PRKN: variants seen among roughly 807,000 people sequenced by gnomAD.
PRKN encodes parkin RBR E3 ubiquitin protein ligase.
In PRKN, 56 loss-of-function variants were observed where a neutral mutation model predicts 59.5. The observed-to-expected ratio is 0.94, with a 90% CI of 0.76 to 1.18. PRKN has a LOEUF of 1.18. PRKN is among the 50% of genes most tolerant of loss of function. The pLI, the probability that PRKN is intolerant of heterozygous loss-of-function variation, is 0.00. For synonymous variants in PRKN, 250 were observed against 222.1 expected (o/e 1.13, Z -1.12); for missense variants, 657 against 596.4 (o/e 1.10, Z -1.06).
intron 1 of PRKN, among the ~76,000 whole-genome samples, chr6:162,581,604 T>C (rs1290502201): frequency 6.6e-6 from 1 of 152,076 alleles, no homozygotes; most frequent in African/African-American, 2.4e-5. Flanking sequence ...CTACTAAAAA[T>C]ACAAAAATTA....
At chr6:162,579,706 T>G (rs894931254) in intron 1 of PRKN, among the ~76,000 whole-genome samples, 1 of 116,796 alleles carries the variant, frequency 8.6e-6, no homozygotes, top group East Asian at 2.0e-4. Context: ...AACACACAAA[T>G]TTCACACACA....
rs113264245 is a variant in PRKN at position 161,745,137 on chromosome 6, C to T, written c.871+40635G>A. Among the ~76,000 whole-genome samples the T allele has an allele frequency of 2.1e-3, 320 of 152,256 alleles. 4 individuals are homozygous for T. The highest frequency in any genetic ancestry group is 3.3e-3 in the Non-Finnish European group (223 of 68,020). Reference sequence around the variant, plus strand: ...AACTTACAGGACTATGAAGCCATTACCTATAATATAGAAGTTACATTAGAT... The same window carrying T: ...AACTTACAGGACTATGAAGCCATTATCTATAATATAGAAGTTACATTAGAT... On this transcript the variant is annotated intron_variant, in intron 7 of 11. Coordinates refer to ENST00000366898, the MANE Select transcript of PRKN (RefSeq NM_004562.3).
chr6:161,889,042 G>GT (rs1159285035), intron 6 of PRKN, among the ~76,000 whole-genome samples: 5 of 152,064 alleles, frequency 3.3e-5, no homozygotes, highest in African/African-American at 1.2e-4. Flanking sequence ...TAAACTTCAA[G>GT]TTTATTTCCA....
At chr6:161,406,354 T>C (rs1787277746) in intron 9 of PRKN, among the ~76,000 whole-genome samples, 1 of 152,070 alleles carries the variant, frequency 6.6e-6, no homozygotes, top group African/African-American at 2.4e-5. Context: ...TGATCCACTA[T>C]GGGCACATTT....
chr6:162,176,648 C>T (rs1234840446), intron 4 of PRKN, among the ~76,000 whole-genome samples: 1 of 152,016 alleles, frequency 6.6e-6, no homozygotes, highest in Non-Finnish European at 1.5e-5. Context: ...GGCTCGGAGA[C>T]CTTGATAATC....
rs547215385 is a variant in PRKN, at chr6:162,028,041, A to C, written c.618+26050T>G. On this transcript the variant is annotated intron_variant, in intron 5 of 11. Coordinates refer to ENST00000366898, the MANE Select transcript of PRKN (RefSeq NM_004562.3). Reference sequence around the variant, plus strand: ...AATACTGCCTCTGACCCAGATTCCAAAGAACAGAAAGAAAGATGGTCAGAA... The same window carrying C: ...AATACTGCCTCTGACCCAGATTCCACAGAACAGAAAGAAAGATGGTCAGAA... Among the ~76,000 whole-genome samples, 4 of 152,276 alleles carry C rather than the reference A, an allele frequency of 2.6e-5. No individual in the cohort carries two copies. The East Asian group carries it at 7.7e-4, about 29-fold the overall frequency.
At chr6:161,482,016 G>C (rs1164901952) in intron 9 of PRKN, among the ~76,000 whole-genome samples, 1 of 145,402 alleles carries the variant, frequency 6.9e-6, no homozygotes, top group African/African-American at 2.5e-5. Flanking sequence ...TGCGGGGGGT[G>C]GGGGAGACTG....
intron 2 of PRKN, among the ~76,000 whole-genome samples, chr6:162,349,670 T>C (rs1051281426): frequency 1.3e-5 from 2 of 152,278 alleles, no homozygotes; most frequent in African/African-American, 4.8e-5. Flanking sequence ...TGAGAGGTGA[T>C]GCAAAACGGG....
chr6:162,507,669 C>T (rs1308285877), intron 1 of PRKN, among the ~76,000 whole-genome samples: 1 of 152,160 alleles, frequency 6.6e-6, no homozygotes, highest in African/African-American at 2.4e-5. Context: ...AAAGCCTATA[C>T]TCTACTTTTC....
chr6:161,374,510 T>C (rs2114907126), intron 10 of PRKN, among the ~76,000 whole-genome samples: 1 of 144,746 alleles, frequency 6.9e-6, no homozygotes. Flanking sequence ...GTGATGTATG[T>C]GTGGTGTGTG....
intron 6 of PRKN, among the ~76,000 whole-genome samples, chr6:161,898,592 A>G (rs1353752442): frequency 1.3e-5 from 2 of 152,174 alleles, no homozygotes; most frequent in Admixed American, 1.3e-4. Context: ...TACTAAATGG[A>G]TGTTTTCAAA....
chr6:162,446,578 C>T lies in PRKN; in HGVS notation c.8-3105G>A, dbSNP rs145855057. Among the ~76,000 whole-genome samples the T allele has an allele frequency of 2.6e-3, 398 of 152,004 alleles. 6 individuals are homozygous for T. The highest frequency in any genetic ancestry group is 0.025 in the South Asian group (118 of 4,796). Reference sequence around the variant, plus strand: ...GTATTTAGATAAATCATAAATACTACGGATATGAATATTTTTAACAGTAAA... The same window carrying T: ...GTATTTAGATAAATCATAAATACTATGGATATGAATATTTTTAACAGTAAA... On this transcript the variant is annotated intron_variant, in intron 1 of 11. Coordinates refer to ENST00000366898, the MANE Select transcript of PRKN (RefSeq NM_004562.3).
chr6:161,431,972 G>A (rs925150692), intron 9 of PRKN, among the ~76,000 whole-genome samples: 4 of 152,156 alleles, frequency 2.6e-5, no homozygotes, highest in Non-Finnish European at 5.9e-5. Flanking sequence ...TCTTGACAAT[G>A]TTTGATCATG....
intron 1 of PRKN, among the ~76,000 whole-genome samples, chr6:162,686,361 A>C (rs1777551201): frequency 6.6e-6 from 1 of 152,146 alleles, no homozygotes; most frequent in Non-Finnish European, 1.5e-5. Flanking sequence ...AAGAACAAGG[A>C]AGTCATGTCC....
intron 10 of PRKN, among the ~76,000 whole-genome samples, chr6:161,384,024 G>C (rs925817451): frequency 2.6e-5 from 4 of 152,112 alleles, no homozygotes; most frequent in African/African-American, 7.2e-5. Context: ...TCATCTCCTG[G>C]GGGGGTCTAA....
chr6:161,750,437 T>G (rs879370753), intron 7 of PRKN, among the ~76,000 whole-genome samples: 5 of 152,108 alleles, frequency 3.3e-5, no homozygotes, highest in Non-Finnish European at 5.9e-5. Flanking sequence ...TGGCATGTTT[T>G]TTTCTTCCTG....
intron 2 of PRKN, among the ~76,000 whole-genome samples, chr6:162,280,200 G>C (rs1470101746): frequency 6.6e-6 from 1 of 152,054 alleles, no homozygotes; most frequent in Admixed American, 6.6e-5. Context: ...GTGTGAATTT[G>C]TTCCTGCATT....
chr6:162,423,507 G>A (rs577647830), intron 2 of PRKN, among the ~76,000 whole-genome samples: 1 of 152,124 alleles, frequency 6.6e-6, no homozygotes, highest in Non-Finnish European at 1.5e-5. Context: ...CATTGTGTGA[G>A]ATTTTATTCA....
chr6:162,588,929 C>G (rs111253067), intron 1 of PRKN, among the ~76,000 whole-genome samples: 1 of 152,210 alleles, frequency 6.6e-6, no homozygotes, highest in South Asian at 2.1e-4. Context: ...ACGGTGGGTG[C>G]GCAGTAAGTT....
Sources: allele counts gnomAD v4.1 joint callset (sites outside exome capture counted in the v4.1 genomes callset), GRCh38; gene constraint gnomAD v4.1.1; transcripts MANE v1.5; gene names NCBI Gene and HGNC (gene_info 2026-07-23, HGNC 2026-07-21).